GAK: variants seen among roughly 807,000 people sequenced by gnomAD.
The protein encoded by GAK is cyclin G associated kinase, also known as cyclin-G-associated kinase.
Under a neutral mutation model 143.9 loss-of-function variants are expected in GAK, and 79 were observed. The ratio of observed to expected loss-of-function variants is 0.55; its 90% CI spans 0.46 to 0.66. The LOEUF is 0.66. Among genes scored for constraint, GAK ranks in the 30% least tolerant of loss-of-function variants. The pLI, the probability that GAK is intolerant of heterozygous loss-of-function variation, is 0.00. For synonymous variants in GAK, 881 were observed against 765.5 expected (o/e 1.15, Z -2.49); for missense variants, 1,693 against 1,779.7 (o/e 0.95, Z 0.88).
chr4:911,843 C>G, intron 3 of GAK, 56 bp from the exon 4 acceptor site: 1 of 1,314,146 alleles, frequency 7.6e-7, no homozygotes, highest in Non-Finnish European at 1.1e-6. Flanking sequence ...GTTCTGTGCA[C>G]TTCAAAATAA....
chr4:906,926 C>T (rs530704401), intron 4 of GAK, among the ~76,000 whole-genome samples: 1 of 152,348 alleles, frequency 6.6e-6, no homozygotes, highest in African/African-American at 2.4e-5. Context: ...GCCCCTTCTG[C>T]TCACCTCCCA....
At chr4:872,107 T>C (rs1019786365) in intron 18 of GAK, among the ~76,000 whole-genome samples, 8 of 151,986 alleles carry the variant, frequency 5.3e-5, no homozygotes, top group Admixed American at 1.3e-4. Flanking sequence ...CCTGTGTGGG[T>C]CAGAGCCACG....
intron 9 of GAK, among the ~76,000 whole-genome samples, chr4:891,647 C>G (rs977109812): frequency 1.3e-5 from 2 of 152,064 alleles, no homozygotes; most frequent in Non-Finnish European, 2.9e-5. Flanking sequence ...ATCTGCCCAG[C>G]GGCACCTCCT....
At chr4:870,182 G>A (rs1271031712) in intron 19 of GAK, among the ~76,000 whole-genome samples, 1 of 152,208 alleles carries the variant, frequency 6.6e-6, no homozygotes, top group Non-Finnish European at 1.5e-5. Context: ...CGCTGAAGAT[G>A]CTCAGAAAGA....
Position 922,332 on chromosome 4 carries a change from T to C in GAK, c.146-8664A>G, listed in dbSNP as rs1249126346. ...GAGTTTGAGACCAACCTGGGAAACA[T>C]GGTGAAACCCCGTCTCTACTAAAAA... On this transcript the variant is annotated intron_variant, in intron 1 of 27. Transcript: ENST00000314167. Among the ~76,000 whole-genome samples, 6 of 151,912 alleles carry C rather than the reference T, an allele frequency of 3.9e-5. No homozygotes were observed. In the East Asian group the frequency reaches 5.8e-4, roughly 15 times the overall value.
intron 5 of GAK, among the ~76,000 whole-genome samples, chr4:902,715 G>A (rs1053552790): frequency 2.7e-4 from 41 of 151,344 alleles, no homozygotes; most frequent in African/African-American, 9.3e-4. Flanking sequence ...GCCTCACAAC[G>A]TCCTAGGTTT....
At position 920,122 on chromosome 4, in the gene GAK, C is replaced by T. The variant is rs527437343; in HGVS notation, c.146-6454G>A. On this transcript the variant is annotated intron_variant, in intron 1 of 27. Coordinates refer to ENST00000314167, the MANE Select transcript of GAK (RefSeq NM_005255.4). ...GTGAGATCGAGACCATCCTGGCTAA[C>T]GCAGTGAGACCCCGTCTCTACTAAA... Among the ~76,000 whole-genome samples the T allele has an allele frequency of 2.6e-5, 4 of 152,198 alleles. No homozygotes were observed. In the East Asian group the frequency reaches 5.8e-4, roughly 22 times the overall value.
In GAK at chr4:903,586, G is replaced by A. The variant is rs374604635; in HGVS notation, c.525+1051C>T. The stretch of plus-strand genomic sequence containing the variant: ...GGGCCTGGGCCAACACCACTGGGGG[G>A]CTGAGGAAGGAGCGTGGGATGAGCA... On this transcript the variant is annotated intron_variant, in intron 5 of 27. Coordinates refer to ENST00000314167, the MANE Select transcript of GAK (RefSeq NM_005255.4). 8.2e-4 allele frequency among the ~76,000 whole-genome samples: 109 copies of A among 132,292 alleles called. 1 individual carries two copies. Among genetic ancestry groups the A allele is most frequent in the African/African-American group, 1.8e-3 (62 of 34,566 alleles). 86.8% of individuals were successfully genotyped at this position (132,292 alleles called of 152,430 possible). A position where few individuals can be genotyped will look rare whatever the true frequency, so the allele number is the denominator to read the frequency against.
intron 1 of GAK, among the ~76,000 whole-genome samples, chr4:921,346 G>A (rs1723897109): frequency 6.6e-6 from 1 of 152,130 alleles, no homozygotes; most frequent in African/African-American, 2.4e-5. Context: ...CAGGTGCCTT[G>A]GCCTCCCAAA....
In GAK at chr4:870,907, G is replaced by A; in HGVS notation, c.2055-3C>T. On this transcript the variant is annotated splice_region_variant and splice_polypyrimidine_tract_variant and intron_variant, in intron 18 of 27. Transcript: ENST00000314167. ...TGTCACACGCGTCCAGGTCATACCTGCGGTTACAAGTAGACACCACTTAGG... is the reference window on the plus strand; with the variant it reads ...TGTCACACGCGTCCAGGTCATACCTACGGTTACAAGTAGACACCACTTAGG... 6.2e-7 allele frequency: 1 copy of A among 1,607,446 alleles called. No individual in the cohort carries two copies. Among genetic ancestry groups the A allele is most frequent in the Non-Finnish European group, 8.5e-7 (1 of 1,176,414 alleles).
At chr4:894,249 G>A (rs1246945442) in intron 7 of GAK, 5 of 371,814 alleles carry the variant, frequency 1.3e-5, no homozygotes, top group African/African-American at 5.6e-5. Flanking sequence ...CACCCGGGCC[G>A]CGGGGAGCGC....
intron 20 of GAK, among the ~76,000 whole-genome samples, chr4:868,330 C>CT (rs1046875011): frequency 2.6e-5 from 4 of 151,658 alleles, no homozygotes; most frequent in South Asian, 4.2e-4. Context: ...TGGGCATGTT[C>CT]TTTTTTTTTC....
intron 21 of GAK, 21 bp downstream of exon 21, chr4:866,935 C>T (rs1284759913): frequency 1.4e-5 from 20 of 1,458,546 alleles, no homozygotes; most frequent in African/African-American, 9.9e-5. Context: ...AGCCACTCGC[C>T]TTCAGAACAG....
intron 4 of GAK, among the ~76,000 whole-genome samples, chr4:907,315 G>T (rs1403059007): frequency 6.6e-6 from 1 of 152,200 alleles, no homozygotes; most frequent in East Asian, 1.9e-4. Flanking sequence ...AGCCCTCTCA[G>T]CCCTCACCAC....
chr4:854,065 T>G (rs1748692900), intron 24 of GAK, among the ~76,000 whole-genome samples: 2 of 151,908 alleles, frequency 1.3e-5, no homozygotes, highest in African/African-American at 4.8e-5. Context: ...CCCAAAGTGC[T>G]GGGATTACAG....
chr4:865,591 G>A (rs1002592414), intron 22 of GAK, among the ~76,000 whole-genome samples: 9 of 152,226 alleles, frequency 5.9e-5, no homozygotes, highest in African/African-American at 1.9e-4. Context: ...ACCAGAGCCC[G>A]AGGTGGCTCC....
At chr4:889,139 A>AG (rs1320282465) in intron 10 of GAK, among the ~76,000 whole-genome samples, 169 bp from the exon 11 acceptor site, 4 of 151,748 alleles carry the variant, frequency 2.6e-5, no homozygotes, top group South Asian at 2.1e-4. Context: ...AGGAGCAGGG[A>AG]GTGGGTGGTA....
chr4:851,107 T>C, intron 25 of GAK, 23 bp from the exon 26 acceptor site: 4 of 1,608,988 alleles, frequency 2.5e-6, no homozygotes, highest in Admixed American at 3.4e-5. Flanking sequence ...AGAAACTTTT[T>C]TTTGTTTGAG....
intron 7 of GAK, chr4:894,929 G>A (rs28628421): frequency 0.1 from 15,663 of 152,136 alleles, 945 homozygotes; most frequent in South Asian, 0.19. Flanking sequence ...GCAGTGCGCC[G>A]AGATCGCGCC....
Sources: allele counts gnomAD v4.1 joint callset (sites outside exome capture counted in the v4.1 genomes callset), GRCh38; gene constraint gnomAD v4.1.1; transcripts MANE v1.5; gene names NCBI Gene and HGNC (gene_info 2026-07-23, HGNC 2026-07-21).